The following CFAP54 variants were observed in gnomAD, a reference collection of about 807,000 sequenced individuals.
CFAP54 encodes cilia and flagella associated protein 54.
In CFAP54, 290 loss-of-function variants were observed where a neutral mutation model predicts 370.4. The ratio of observed to expected loss-of-function variants is 0.78; its 90% CI spans 0.71 to 0.86. CFAP54 has a LOEUF of 0.86. Ranked by LOEUF, CFAP54 falls within the 40% of genes least tolerant of loss-of-function variation. The pLI is 0.00. For synonymous variants in CFAP54, 1,206 were observed against 1,236.5 expected (o/e 0.98, Z 0.52); for missense variants, 3,399 against 3,528.7 (o/e 0.96, Z 0.93).
Position 96,684,688 on chromosome 12 carries a change from G to C in CFAP54, c.5757G>C (p.Gln1919His). Residue 1919 changes from glutamine to histidine, a missense_variant, in exon 41 of 68, where the codon CAG becomes CAC. This residue lies in a region of CFAP54 where 2,796 missense variants were observed against 2,869.7 expected (regional missense o/e 0.97). Transcript: ENST00000524981. Reference sequence around the variant, plus strand: ...GCAATCAAAGAAGTCTTAAAGTTCAGGCGTTGCATTCACTTGGAAGTCTTC... The same window carrying C: ...GCAATCAAAGAAGTCTTAAAGTTCACGCGTTGCATTCACTTGGAAGTCTTC... ...QASNQRSLKVQALHSLGSLLI... is the reference protein window; with the variant it reads ...QASNQRSLKVHALHSLGSLLI... 1 of 1,613,412 alleles carries C rather than the reference G, an allele frequency of 6.2e-7. No individual in the cohort carries two copies. The highest frequency in any genetic ancestry group is 8.5e-7 in the Non-Finnish European group (1 of 1,179,810).
chr12:96,744,862 C>A (rs778864892), intron 55 of CFAP54, among the ~76,000 whole-genome samples: 1 of 152,096 alleles, frequency 6.6e-6, no homozygotes, highest in Non-Finnish European at 1.5e-5. Context: ...CTCTACCCCC[C>A]AGTAGGTCAT....
At chr12:96,774,859 A>G (rs1043309106) in intron 60 of CFAP54, among the ~76,000 whole-genome samples, 4 of 152,088 alleles carry the variant, frequency 2.6e-5, no homozygotes, top group Non-Finnish European at 2.9e-5. Context: ...TTATTGTATT[A>G]TAATTTAAAA....
At position 96,616,360 on chromosome 12, in the gene CFAP54, C is replaced by G. The variant is rs375406325; in HGVS notation, c.3640-5230C>G. ...GGGAACATCACACACCGGGGCCTGT[C>G]GTGGGGTGGTGGGAGGGGGGAGGGA... is the stretch of plus-strand genomic sequence containing the variant. On this transcript the variant is annotated intron_variant, in intron 26 of 67. Coordinates refer to ENST00000524981, the MANE Select transcript of CFAP54 (RefSeq NM_001306084.2). 1.0e-4 allele frequency among the ~76,000 whole-genome samples: 13 copies of G among 126,984 alleles called. 1 individual carries two copies. The highest frequency in any genetic ancestry group is 3.1e-4 in the African/African-American group (10 of 32,096). The allele number at this position is 126,984 out of a possible 152,430, so 83.3% of individuals were successfully genotyped here. A position where few individuals can be genotyped will look rare whatever the true frequency, so the allele number is the denominator to read the frequency against.
At chr12:96,691,585 A>C (rs1032319968) in intron 44 of CFAP54, among the ~76,000 whole-genome samples, 1 of 152,160 alleles carries the variant, frequency 6.6e-6, no homozygotes, top group African/African-American at 2.4e-5. Flanking sequence ...ATTGATCAGA[A>C]TGCATCACTG....
In CFAP54 at chr12:96,741,206, G is replaced by A. The variant is rs184193282; in HGVS notation, c.7071+1145G>A. Among the ~76,000 whole-genome samples, 427 of 151,920 alleles carry A rather than the reference G, an allele frequency of 2.8e-3. 2 individuals are homozygous for A. Among genetic ancestry groups the A allele is most frequent in the Non-Finnish European group, 4.4e-3 (302 of 67,976 alleles). ...TTTTGAGACGGAGTCTCGCTCTATC[G>A]CCCAACCTGGAATGCAGTGGCACAG... On this transcript the variant is annotated intron_variant, in intron 51 of 67. Transcript: ENST00000524981.
rs775622352 is a variant in CFAP54 at position 96,753,727 on chromosome 12, A to C, written c.7685-16A>C. Reference sequence around the variant, plus strand: ...GTATTTTTTTGTTCTTCCCCACCGAACTGTTTTTCTTTTAGGACATACAGT... The same window carrying C: ...GTATTTTTTTGTTCTTCCCCACCGACCTGTTTTTCTTTTAGGACATACAGT... On this transcript the variant is annotated splice_polypyrimidine_tract_variant and intron_variant, in intron 55 of 67. Coordinates refer to ENST00000524981, the MANE Select transcript of CFAP54 (RefSeq NM_001306084.2). 1.9e-6 allele frequency: 3 copies of C among 1,609,786 alleles called. No individual in the cohort carries two copies. The highest frequency in any genetic ancestry group is 1.7e-5 in the Admixed American group (1 of 59,732).
intron 50 of CFAP54, among the ~76,000 whole-genome samples, chr12:96,733,542 G>GGTT (rs374131337): frequency 2.2e-5 from 3 of 139,064 alleles, no homozygotes; most frequent in African/African-American, 7.8e-5. Context: ...AATCCTGTGG[G>GGTT]TTTTTTTTTT....
At chr12:96,592,875 T>C (rs1956141072) in intron 24 of CFAP54, among the ~76,000 whole-genome samples, 1 of 152,166 alleles carries the variant, frequency 6.6e-6, no homozygotes, top group Non-Finnish European at 1.5e-5. Flanking sequence ...TATTATATAT[T>C]TCAGACATTT....
At chr12:96,577,334 C>G (rs779539831) in intron 20 of CFAP54, among the ~76,000 whole-genome samples, 8 of 152,206 alleles carry the variant, frequency 5.3e-5, no homozygotes, top group Non-Finnish European at 8.8e-5. Flanking sequence ...TGCCTCAGAA[C>G]TTGGCCTATA....
At chr12:96,839,943 C>T (rs938791453) in intron 66 of CFAP54, among the ~76,000 whole-genome samples, 4 of 152,158 alleles carry the variant, frequency 2.6e-5, no homozygotes, top group African/African-American at 4.8e-5. Context: ...CACAAGAGAA[C>T]GAAGTAGATG....
intron 9 of CFAP54, among the ~76,000 whole-genome samples, chr12:96,532,197 T>C (rs1166628687): frequency 6.6e-6 from 1 of 152,206 alleles, no homozygotes; most frequent in Non-Finnish European, 1.5e-5. Flanking sequence ...GATGCTTCAT[T>C]TGTGGTTTTT....
At chr12:96,625,433 T>A (rs1956540271) in intron 28 of CFAP54, among the ~76,000 whole-genome samples, 1 of 152,232 alleles carries the variant, frequency 6.6e-6, no homozygotes, top group African/African-American at 2.4e-5. Flanking sequence ...TGCTGATATA[T>A]GACAGCTGTT....
intron 1 of CFAP54, among the ~76,000 whole-genome samples, chr12:96,499,141 G>C (rs1041379107): frequency 1.3e-5 from 2 of 152,018 alleles, no homozygotes; most frequent in African/African-American, 4.8e-5. Context: ...GCTAATTTTT[G>C]TATTTTTAGT....
At chr12:96,720,586 G>A (rs1592724515) in intron 50 of CFAP54, 21 bp downstream of exon 50, 1 of 1,444,874 alleles carries the variant, frequency 6.9e-7, no homozygotes. Context: ...CCATGCACAG[G>A]GGAGGGATAC....
At chr12:96,683,800 G>GT (rs980098422) in intron 40 of CFAP54, among the ~76,000 whole-genome samples, 7 of 149,746 alleles carry the variant, frequency 4.7e-5, no homozygotes, top group East Asian at 3.9e-4. Flanking sequence ...TTTTGTTGTT[G>GT]TTTTTTTTTG....
intron 22 of CFAP54, 58 bp from the exon 23 acceptor site, chr12:96,589,369 G>A: frequency 1.5e-6 from 2 of 1,326,408 alleles, no homozygotes; most frequent in Non-Finnish European, 2.1e-6. Flanking sequence ...AAGAATTATT[G>A]TTTAAAACAT....
At chr12:96,834,624 G>A (rs747760772) in intron 66 of CFAP54, among the ~76,000 whole-genome samples, 2 of 152,364 alleles carry the variant, frequency 1.3e-5, no homozygotes, top group Non-Finnish European at 2.9e-5. Context: ...GTGGTGCCCA[G>A]AAGCCTGGAG....
chr12:96,750,146 CT>C (rs546359793), intron 55 of CFAP54, among the ~76,000 whole-genome samples: 136 of 152,344 alleles, frequency 8.9e-4, no homozygotes, highest in African/African-American at 3.0e-3. Context: ...GTTCCAAGCT[CT>C]TTTTGGATGC....
intron 22 of CFAP54, among the ~76,000 whole-genome samples, chr12:96,587,551 T>C (rs1471782034): frequency 6.6e-6 from 1 of 152,214 alleles, no homozygotes; most frequent in East Asian, 1.9e-4. Flanking sequence ...AACATGCTTA[T>C]ATCATGGCAC....
Sources: allele counts gnomAD v4.1 joint callset (sites outside exome capture counted in the v4.1 genomes callset), GRCh38; gene constraint gnomAD v4.1.1; regional missense constraint gnomAD v4.1.1; transcripts MANE v1.5; gene names NCBI Gene and HGNC (gene_info 2026-07-23, HGNC 2026-07-21).